Variants in DLGAP1 observed in about 807,000 individuals in gnomAD.
DLGAP1 encodes the protein disks large-associated protein 1.
Under a neutral mutation model 90.8 loss-of-function variants are expected in DLGAP1, and 11 were observed. That is an observed-to-expected ratio of 0.12 (90% CI 0.08 to 0.20). DLGAP1 has a LOEUF of 0.20. Ranked by LOEUF, DLGAP1 falls within the 10% of genes least tolerant of loss-of-function variation. The probability of loss-of-function intolerance (pLI) is 1.00; values close to 1 mark genes in which losing one functional copy is unlikely to be tolerated. For missense variants in DLGAP1, 1,050 were observed against 1,333.8 expected, an observed-to-expected ratio of 0.79 and a Z score of 3.31; for synonymous variants, 558 against 540.7, an observed-to-expected ratio of 1.03 and a Z score of -0.44.
intron 1 of DLGAP1, among the ~76,000 whole-genome samples, chr18:4,348,287 A>G (rs2081337467): frequency 6.6e-6 from 1 of 152,108 alleles, no homozygotes; most frequent in African/African-American, 2.4e-5. Context: ...GAGGATACTG[A>G]GAGTGAAGTT....
chr18:4,132,685 A>G (rs556274216), intron 2 of DLGAP1, among the ~76,000 whole-genome samples: 1 of 152,290 alleles, frequency 6.6e-6, no homozygotes, highest in Non-Finnish European at 1.5e-5. Flanking sequence ...GATTTCTGGC[A>G]AAAGAGTTCC....
chr18:3,874,214 A>C, intron 4 of DLGAP1: 1 of 1,550,018 alleles, frequency 6.5e-7, no homozygotes, highest in Middle Eastern at 1.7e-4. Flanking sequence ...ACTCAGCCTT[A>C]AAAAGGTCGA....
intron 4 of DLGAP1, among the ~76,000 whole-genome samples, chr18:3,823,747 TGA>T (rs1240950745): frequency 6.6e-6 from 1 of 151,824 alleles, no homozygotes; most frequent in African/African-American, 2.4e-5. Flanking sequence ...GTCAGGAGTT[TGA>T]GACCAGCCTG....
intron 1 of DLGAP1, among the ~76,000 whole-genome samples, chr18:4,253,938 G>A (rs1461571619): frequency 6.6e-6 from 1 of 152,146 alleles, no homozygotes; most frequent in Non-Finnish European, 1.5e-5. Flanking sequence ...AGGTTTGGCA[G>A]CCTGAGACTG....
intron 1 of DLGAP1, among the ~76,000 whole-genome samples, chr18:4,418,011 T>C (rs957038906): frequency 6.6e-6 from 1 of 152,098 alleles, no homozygotes; most frequent in African/African-American, 2.4e-5. Flanking sequence ...AAGCTGGCGA[T>C]AGAGCAAGCA....
intron 1 of DLGAP1, chr18:4,294,348 G>T (rs2079923166): frequency 6.6e-6 from 1 of 152,236 alleles, no homozygotes; most frequent in Non-Finnish European, 1.5e-5. Context: ...TGATTCCACA[G>T]GGTTGAGAGT....
chr18:3,898,019 C>T (rs369410402), intron 3 of DLGAP1, among the ~76,000 whole-genome samples: 23 of 152,098 alleles, frequency 1.5e-4, no homozygotes, highest in Admixed American at 5.9e-4. Flanking sequence ...TGGTCTCGAT[C>T]TCCTGACCTC....
intron 2 of DLGAP1, among the ~76,000 whole-genome samples, chr18:4,011,685 G>A (rs140673404): frequency 5.3e-4 from 81 of 152,046 alleles, no homozygotes; most frequent in African/African-American, 2.0e-3. Flanking sequence ...TTAGCTGGAT[G>A]TGGTGGTGCA....
At chr18:3,845,476 A>G (rs1235194881) in intron 4 of DLGAP1, 9 of 1,314,300 alleles carry the variant, frequency 6.8e-6, no homozygotes, top group Non-Finnish European at 5.8e-6. Flanking sequence ...TTAATGAAAT[A>G]AAACCCTATA....
chr18:3,779,987 T>C (rs2065118181), intron 5 of DLGAP1, among the ~76,000 whole-genome samples: 1 of 151,884 alleles, frequency 6.6e-6, no homozygotes, highest in Admixed American at 6.6e-5. Flanking sequence ...GGTTTCACTA[T>C]ATGTTGGCCA....
At chr18:3,714,132 A>G (rs2061682442) in intron 7 of DLGAP1, among the ~76,000 whole-genome samples, 1 of 152,182 alleles carries the variant, frequency 6.6e-6, no homozygotes, top group Non-Finnish European at 1.5e-5. Context: ...TAAAAAAACA[A>G]TTTTGATTCG....
At chr18:4,227,631 A>T (rs1269389669) in intron 1 of DLGAP1, among the ~76,000 whole-genome samples, 1 of 151,942 alleles carries the variant, frequency 6.6e-6, no homozygotes, top group East Asian at 1.9e-4. Context: ...GAGTGCAATT[A>T]AAAAATTTCT....
intron 9 of DLGAP1, among the ~76,000 whole-genome samples, chr18:3,535,948 T>A (rs938008329): frequency 8.6e-5 from 13 of 151,956 alleles, no homozygotes; most frequent in Admixed American, 3.9e-4. Flanking sequence ...GGCAGGAGAA[T>A]CGCTTGAATC....
chr18:3,816,421 C>CT (rs2067110233), intron 4 of DLGAP1, among the ~76,000 whole-genome samples: 1 of 152,036 alleles, frequency 6.6e-6, no homozygotes, highest in Non-Finnish European at 1.5e-5. Context: ...TAATTCTTTC[C>CT]TTTTTAATTG....
chr18:3,818,500 T>C (rs2067223136), intron 4 of DLGAP1, among the ~76,000 whole-genome samples: 1 of 151,902 alleles, frequency 6.6e-6, no homozygotes, highest in Non-Finnish European at 1.5e-5. Context: ...GCTAGAATTA[T>C]AGGCCTGTGC....
At chr18:3,560,248 G>A (rs966771660) in intron 9 of DLGAP1, among the ~76,000 whole-genome samples, 4 of 151,540 alleles carry the variant, frequency 2.6e-5, no homozygotes, top group South Asian at 2.1e-4. Flanking sequence ...GTGAAACCCC[G>A]TCTCTACTAA....
chr18:3,909,179 G>A (rs2071978666), intron 3 of DLGAP1, among the ~76,000 whole-genome samples: 1 of 152,216 alleles, frequency 6.6e-6, no homozygotes, highest in Non-Finnish European at 1.5e-5. Context: ...GGTGGTAAAA[G>A]TAGTTTCTGT....
intron 6 of DLGAP1, among the ~76,000 whole-genome samples, chr18:3,741,439 A>G (rs1047671765): frequency 2.0e-5 from 3 of 151,472 alleles, no homozygotes; most frequent in African/African-American, 7.3e-5. Flanking sequence ...CATCACCATC[A>G]TCACTGCCAC....
At chr18:3,555,798 G>A (rs916454475) in intron 9 of DLGAP1, among the ~76,000 whole-genome samples, 17 of 152,036 alleles carry the variant, frequency 1.1e-4, no homozygotes, top group African/African-American at 3.1e-4. Flanking sequence ...CAACAGGAGC[G>A]AAACTCCGTC....
Sources: gnomAD v4.1 joint callset for allele counts (sites outside exome capture counted in the v4.1 genomes callset) on GRCh38, gnomAD v4.1.1 for gene constraint, MANE v1.5 for transcripts, NCBI Gene and HGNC (gene_info 2026-07-23, HGNC 2026-07-21) for gene names.